Variants in SLC44A5 observed in about 807,000 individuals in gnomAD.
The protein encoded by SLC44A5 is choline transporter-like protein 5.
SLC44A5 carries 57 observed loss-of-function variants against 101.8 expected under a neutral mutation model. That is an observed-to-expected ratio of 0.56 (90% CI 0.45 to 0.70). The LOEUF (loss-of-function observed/expected upper bound fraction) is 0.70, where lower values mean the gene tolerates loss of function less well. SLC44A5 is among the 30% of genes least tolerant of loss of function. The pLI, the probability that SLC44A5 is intolerant of heterozygous loss-of-function variation, is 0.00. For synonymous variants in SLC44A5, 281 were observed against 290.9 expected (o/e 0.97, Z 0.35); for missense variants, 737 against 853.1 (o/e 0.86, Z 1.70).
At chr1:75,702,983 T>G in the SLC44A5 span, among the ~76,000 whole-genome samples, 5 of 151,818 alleles carry the variant, frequency 3.3e-5, no homozygotes, top group South Asian at 6.3e-4. Flanking sequence ...CCAGTTAGAA[T>G]GGCAATCATT....
intron 2 of SLC44A5, among the ~76,000 whole-genome samples, chr1:75,424,785 G>A (rs988462934): frequency 5.3e-5 from 8 of 151,932 alleles, no homozygotes; most frequent in Non-Finnish European, 8.8e-5. Flanking sequence ...CAATCAAATT[G>A]CAAGGAACAG....
chr1:75,639,943 C>T, the SLC44A5 span, among the ~76,000 whole-genome samples: 5 of 151,928 alleles, frequency 3.3e-5, no homozygotes, highest in Admixed American at 2.6e-4. Context: ...ACTTTTCCAA[C>T]CATTGAAAGA....
intron 1 of SLC44A5, among the ~76,000 whole-genome samples, chr1:75,583,889 G>C (rs766135272): frequency 1.3e-3 from 204 of 152,328 alleles, no homozygotes; most frequent in Non-Finnish European, 2.0e-3. Context: ...GCCAAAGGCA[G>C]ATCACAGACC....
chr1:75,233,996 A>C lies in SLC44A5; in HGVS notation c.843T>G (p.Ile281Met). ...AGGAGTGATACCTACCATAACCTATAATTCCAATCACACCAATCATGAAGA... is the reference window on the plus strand; with the variant it reads ...AGGAGTGATACCTACCATAACCTATCATTCCAATCACACCAATCATGAAGA... ...FWVFMIGVIG[I>M]IGYGIWHCYQ... Residue 281 changes from isoleucine (I) to methionine (M), a missense_variant, in exon 12 of 24, where the codon ATT becomes ATG. This residue lies in a region of SLC44A5 where 665 missense variants were observed against 764.4 expected (regional missense o/e 0.87). Transcript: ENST00000370859. 6.2e-7 allele frequency: 1 copy of C among 1,608,984 alleles called. No homozygotes were observed.
intron 6 of SLC44A5, among the ~76,000 whole-genome samples, chr1:75,253,168 T>C (rs1649724370): frequency 6.6e-6 from 1 of 152,146 alleles, no homozygotes; most frequent in African/African-American, 2.4e-5. Context: ...TCCCTTTTCT[T>C]CTCTTTCCAT....
At chr1:75,428,323 A>T (rs1664426817) in intron 2 of SLC44A5, among the ~76,000 whole-genome samples, 1 of 152,214 alleles carries the variant, frequency 6.6e-6, no homozygotes, top group Non-Finnish European at 1.5e-5. Flanking sequence ...GGATAATACC[A>T]GTAAAGAATA....
chr1:75,687,046 A>G, the SLC44A5 span, among the ~76,000 whole-genome samples: 3 of 152,220 alleles, frequency 2.0e-5, no homozygotes, highest in Non-Finnish European at 4.4e-5. Flanking sequence ...GGAATTTTGC[A>G]TAACTAGCAA....
At chr1:75,480,283 C>A (rs1253855636) in intron 2 of SLC44A5, among the ~76,000 whole-genome samples, 6 of 152,134 alleles carry the variant, frequency 3.9e-5, no homozygotes, top group Non-Finnish European at 8.8e-5. Flanking sequence ...ATGACAAACC[C>A]ACAGCCAATA....
chr1:75,671,908 T>C, the SLC44A5 span, among the ~76,000 whole-genome samples: 1 of 152,186 alleles, frequency 6.6e-6, no homozygotes, highest in Non-Finnish European at 1.5e-5. Context: ...TTATTAATAA[T>C]ACCTAATATG....
chr1:75,293,890 T>C (rs1653762764), intron 5 of SLC44A5, among the ~76,000 whole-genome samples: 1 of 152,230 alleles, frequency 6.6e-6, no homozygotes, highest in African/African-American at 2.4e-5. Flanking sequence ...CTAAATGCTT[T>C]CTTTTTAAAA....
At chr1:75,617,039 C>T in the SLC44A5 span, among the ~76,000 whole-genome samples, 5 of 152,096 alleles carry the variant, frequency 3.3e-5, no homozygotes, top group Non-Finnish European at 7.4e-5. Context: ...GTTCTGCTGG[C>T]GTCCCAGAAC....
intron 3 of SLC44A5, among the ~76,000 whole-genome samples, chr1:75,374,487 C>T (rs12411159): frequency 0.095 from 14,425 of 152,218 alleles, 916 homozygotes; most frequent in Admixed American, 0.2. Flanking sequence ...GAAATGCAGG[C>T]GTGATGCCAG....
intron 2 of SLC44A5, among the ~76,000 whole-genome samples, chr1:75,397,424 C>G (rs1662194838): frequency 6.6e-6 from 1 of 152,068 alleles, no homozygotes; most frequent in Admixed American, 6.6e-5. Context: ...CTTGGTTTCC[C>G]CATTGATTTT....
the SLC44A5 span, among the ~76,000 whole-genome samples, chr1:75,657,260 T>A: frequency 6.6e-6 from 1 of 152,062 alleles, no homozygotes; most frequent in African/African-American, 2.4e-5. Flanking sequence ...AGAATGAAAG[T>A]GAAGAGGGCC....
At chr1:75,705,910 T>A in the SLC44A5 span, among the ~76,000 whole-genome samples, 1 of 152,188 alleles carries the variant, frequency 6.6e-6, no homozygotes, top group African/African-American at 2.4e-5. Context: ...ACTTCTGGCC[T>A]CAAGTAATCC....
At chr1:75,652,942 T>A in the SLC44A5 span, among the ~76,000 whole-genome samples, 1 of 152,232 alleles carries the variant, frequency 6.6e-6, no homozygotes, top group Non-Finnish European at 1.5e-5. Context: ...TGATATGAAA[T>A]TCAAATTCTT....
intron 23 of SLC44A5, chr1:75,206,633 G>A (rs779721405): frequency 1.1e-5 from 17 of 1,611,332 alleles, no homozygotes; most frequent in Non-Finnish European, 1.4e-5. Flanking sequence ...TGGGGAACTA[G>A]TTGCTTCTTG....
At chr1:75,429,674 G>A (rs1664502313) in intron 2 of SLC44A5, among the ~76,000 whole-genome samples, 2 of 152,186 alleles carry the variant, frequency 1.3e-5, no homozygotes. Flanking sequence ...AGTCATGGTG[G>A]AAGATGAAGG....
chr1:75,507,161 T>G (rs891905659), intron 2 of SLC44A5, among the ~76,000 whole-genome samples: 2 of 152,140 alleles, frequency 1.3e-5, no homozygotes, highest in Admixed American at 1.3e-4. Flanking sequence ...TTTTGCCCAT[T>G]CAGTATGATG....
Sources: gnomAD v4.1 joint callset for allele counts (sites outside exome capture counted in the v4.1 genomes callset) on GRCh38, gnomAD v4.1.1 for gene constraint, gnomAD v4.1.1 regional missense constraint, MANE v1.5 for transcripts, NCBI Gene and HGNC (gene_info 2026-07-23, HGNC 2026-07-21) for gene names.